Variants in CNOT1 observed in about 807,000 individuals in gnomAD.
CNOT1 encodes the protein CCR4-associated factor 1.
In CNOT1, 15 loss-of-function variants were observed where a neutral mutation model predicts 273.8. The ratio of observed to expected loss-of-function variants is 0.05; its 90% confidence interval spans 0.04 to 0.08. The LOEUF (loss-of-function observed/expected upper bound fraction) is 0.08, where lower values mean the gene tolerates loss of function less well. Among genes scored for constraint, CNOT1 ranks in the 10% least tolerant of loss-of-function variants. The pLI, the probability that CNOT1 is intolerant of heterozygous loss-of-function variation, is 1.00. For synonymous variants in CNOT1, 1,022 were observed against 1,005.5 expected (o/e 1.02, Z -0.31); for missense variants, 1,644 against 2,912.2 (o/e 0.56, Z 10.02).
chr16:58,561,235 C>G (rs1179675707), intron 16 of CNOT1, among the ~76,000 whole-genome samples: 1 of 152,198 alleles, frequency 6.6e-6, no homozygotes, highest in Non-Finnish European at 1.5e-5. Context: ...CATCCCATCC[C>G]TCTGCATCTG....
chr16:58,582,104 C>A (rs920152145), intron 10 of CNOT1, among the ~76,000 whole-genome samples: 5 of 148,438 alleles, frequency 3.4e-5, no homozygotes, highest in Non-Finnish European at 7.4e-5. Context: ...ATGATGAAAC[C>A]CTGTCTCTAC....
rs1333072646 is a variant in CNOT1 at position 58,549,866 on chromosome 16, T to C, written c.3375A>G (p.Glu1125=). Residue 1125 remains glutamate, a synonymous_variant, in exon 25 of 49, where the codon GAA becomes GAG. Transcript: ENST00000317147. ...VEELKETVKE[E]FMPWVSQYLV... Reference sequence around the variant, plus strand: ...GATACTGTGAAACCCAAGGCATAAATTCTTCTTTCACCGTTTCCTTTAGCT... The same window carrying C: ...GATACTGTGAAACCCAAGGCATAAACTCTTCTTTCACCGTTTCCTTTAGCT... The C allele has an allele frequency of 6.2e-7, 1 of 1,614,020 alleles. No individual in the cohort carries two copies. The highest frequency in any genetic ancestry group is 1.7e-5 in the Admixed American group (1 of 59,994).
intron 1 of CNOT1, among the ~76,000 whole-genome samples, chr16:58,609,092 C>T (rs1429911786): frequency 1.3e-5 from 2 of 152,124 alleles, no homozygotes; most frequent in African/African-American, 2.4e-5. Context: ...AGAACTTACT[C>T]GCCAGGGGCA....
Position 58,587,393 on chromosome 16 carries a change from G to A in CNOT1, c.330C>T (p.His110=). The change falls in exon 5 of 49, where the codon CAC becomes CAT. Residue 110 remains histidine, a synonymous_variant. Transcript: ENST00000317147. Reference sequence around the variant, plus strand: ...GCACTTTACTCAGCTGGGCAAATAAGTGGGGTGCAGGCTTTAAACTCTGAA... The same window carrying A: ...GCACTTTACTCAGCTGGGCAAATAAATGGGGTGCAGGCTTTAAACTCTGAA... ...HYQKSLKPAP[H]LFAQLSKVLK... 6.2e-7 allele frequency: 1 copy of A among 1,613,832 alleles called. No individual in the cohort carries two copies. The highest frequency in any genetic ancestry group is 8.5e-7 in the Non-Finnish European group (1 of 1,179,998).
intron 9 of CNOT1, 43 bp from the exon 10 acceptor site, chr16:58,582,946 T>C (rs369229930): frequency 3.7e-6 from 6 of 1,613,418 alleles, no homozygotes; most frequent in African/African-American, 1.3e-5. Context: ...AACTACTCCA[T>C]GTGTTCACTT....
intron 16 of CNOT1, among the ~76,000 whole-genome samples, chr16:58,565,559 C>T (rs990757538): frequency 6.6e-6 from 1 of 152,208 alleles, no homozygotes; most frequent in Non-Finnish European, 1.5e-5. Flanking sequence ...GCTATTTTTC[C>T]CATTGCATTA....
At chr16:58,551,922 T>G in intron 22 of CNOT1, 103 bp from the exon 23 acceptor site, 1 of 1,465,518 alleles carries the variant, frequency 6.8e-7, no homozygotes. Context: ...AGTGCTCTTT[T>G]GGTTCATCTA....
chr16:58,574,552 A>T, intron 16 of CNOT1, 57 bp downstream of exon 16: 1 of 1,485,894 alleles, frequency 6.7e-7, no homozygotes, highest in Non-Finnish European at 9.0e-7. Flanking sequence ...CCGCAAGTCT[A>T]CAATTATTCA....
At chr16:58,574,984 A>T (rs776918618) in intron 15 of CNOT1, 23 bp downstream of exon 15, 1 of 1,606,746 alleles carries the variant, frequency 6.2e-7, no homozygotes, top group South Asian at 1.1e-5. Flanking sequence ...AAGAGCAAAA[A>T]TAAATGAACA....
At chr16:58,529,947 C>G (rs1402539981) in intron 43 of CNOT1, among the ~76,000 whole-genome samples, 1 of 144,776 alleles carries the variant, frequency 6.9e-6, no homozygotes, top group Non-Finnish European at 1.5e-5. Flanking sequence ...AAATGAAAAA[C>G]AGATAATACC....
chr16:58,541,262 A>G (rs1434826052), intron 34 of CNOT1, among the ~76,000 whole-genome samples: 1 of 152,192 alleles, frequency 6.6e-6, no homozygotes, highest in African/African-American at 2.4e-5. Context: ...TGTTACCATG[A>G]GAATTCCCCT....
chr16:58,618,527 G>C (rs765230839), intron 1 of CNOT1, among the ~76,000 whole-genome samples: 2 of 151,964 alleles, frequency 1.3e-5, no homozygotes, highest in Non-Finnish European at 2.9e-5. Context: ...ATGTTGCAGC[G>C]AGCTAAGATC....
At chr16:58,616,425 T>C (rs1026139878) in intron 1 of CNOT1, among the ~76,000 whole-genome samples, 2 of 152,022 alleles carry the variant, frequency 1.3e-5, no homozygotes, top group Non-Finnish European at 2.9e-5. Context: ...TTTGTTTTTA[T>C]TTTTTATTTT....
chr16:58,603,257 T>C (rs1002473752), intron 1 of CNOT1, among the ~76,000 whole-genome samples: 1 of 152,150 alleles, frequency 6.6e-6, no homozygotes, highest in Admixed American at 6.6e-5. Context: ...AACCCAGGCA[T>C]GGTGGCTCAC....
chr16:58,553,724 T>C, intron 22 of CNOT1, 58 bp downstream of exon 22: 1 of 1,552,062 alleles, frequency 6.4e-7, no homozygotes, highest in South Asian at 1.3e-5. Context: ...AAAGCCAAAA[T>C]ATTAAACCCT....
chr16:58,553,658 T>C, intron 22 of CNOT1, 124 bp downstream of exon 22: 1 of 1,223,936 alleles, frequency 8.2e-7, no homozygotes, highest in Non-Finnish European at 1.1e-6. Context: ...TATGTGTACC[T>C]ATATCATGCC....
chr16:58,582,123 C>CAAAAAA (rs930219983), intron 10 of CNOT1, among the ~76,000 whole-genome samples: 1 of 99,450 alleles, frequency 1.0e-5, no homozygotes, highest in Non-Finnish European at 1.9e-5. Context: ...ACTAAAAATA[C>CAAAAAA]AAAAAAAAAA....
intron 25 of CNOT1, among the ~76,000 whole-genome samples, chr16:58,549,311 AGGGGGCTACAGC>A (rs2040375013): frequency 7.3e-6 from 1 of 137,186 alleles, no homozygotes; most frequent in Non-Finnish European, 1.6e-5. Flanking sequence ...AAAAAAAAAA[AGGGGGCTACAGC>A]AAAGAGCATT....
At chr16:58,607,288 A>G (rs1259316441) in intron 1 of CNOT1, among the ~76,000 whole-genome samples, 1 of 152,156 alleles carries the variant, frequency 6.6e-6, no homozygotes, top group East Asian at 1.9e-4. Flanking sequence ...GGACTAGGTG[A>G]TTGGTGAATA....
Sources: allele counts gnomAD v4.1 joint callset (sites outside exome capture counted in the v4.1 genomes callset), GRCh38; gene constraint gnomAD v4.1.1; transcripts MANE v1.5; gene names NCBI Gene and HGNC (gene_info 2026-07-23, HGNC 2026-07-21).